ZDHHC15: variants seen among roughly 807,000 people sequenced by gnomAD.
The protein encoded by ZDHHC15 is palmitoyltransferase ZDHHC15.
In ZDHHC15, 19 loss-of-function variants were observed where a neutral mutation model predicts 31.7. That is an observed-to-expected ratio of 0.60 (90% CI 0.42 to 0.88). ZDHHC15 has a LOEUF of 0.88. Among genes scored for constraint, ZDHHC15 ranks in the 40% least tolerant of loss-of-function variants. The pLI is 0.00. For synonymous variants in ZDHHC15, 103 were observed against 90.0 expected (o/e 1.14, Z -0.82); for missense variants, 209 against 251.2 (o/e 0.83, Z 1.14).
intron 2 of ZDHHC15, among the ~76,000 whole-genome samples, chrX:75,494,742 G>A (rs1370845080): frequency 8.9e-6 from 1 of 112,199 alleles, no homozygotes; most frequent in East Asian, 2.8e-4. Flanking sequence ...GTAGAAAGCT[G>A]AAACTGGATC....
intron 10 of ZDHHC15, among the ~76,000 whole-genome samples, chrX:75,388,418 A>G (rs1434556042): frequency 8.9e-6 from 1 of 112,239 alleles, no homozygotes; most frequent in African/African-American, 3.2e-5. Context: ...AGAGATGATT[A>G]AAATCAAAAC....
At chrX:75,425,416 C>T (rs1391824557) in intron 7 of ZDHHC15, among the ~76,000 whole-genome samples, 1 of 111,730 alleles carries the variant, frequency 9.0e-6, no homozygotes, top group Non-Finnish European at 1.9e-5. Flanking sequence ...TTACAGGCAA[C>T]TGTAAAAGTA....
At chrX:75,495,164 A>C (rs767545983) in intron 2 of ZDHHC15, among the ~76,000 whole-genome samples, 95 of 112,528 alleles carry the variant, frequency 8.4e-4, no homozygotes, top group South Asian at 1.5e-3. Context: ...TATGCAGCCA[A>C]AAGACACATG....
intron 2 of ZDHHC15, among the ~76,000 whole-genome samples, chrX:75,479,448 C>A (rs753526083): frequency 5.9e-4 from 66 of 111,660 alleles, no homozygotes; most frequent in African/African-American, 2.1e-3. Context: ...GTTGATTAAC[C>A]AAAGTCACAC....
intron 2 of ZDHHC15, among the ~76,000 whole-genome samples, chrX:75,497,234 G>A (rs2085015451): frequency 1.8e-5 from 2 of 111,384 alleles, no homozygotes; most frequent in Admixed American, 1.9e-4. Context: ...AGAAAACCTA[G>A]AGGAGATGGA....
At chrX:75,422,746 T>A (rs942255613) in intron 8 of ZDHHC15, among the ~76,000 whole-genome samples, 2 of 111,381 alleles carry the variant, frequency 1.8e-5, no homozygotes, top group Non-Finnish European at 3.8e-5. Context: ...TCTACCACCC[T>A]AGCAACTAGG....
chrX:75,454,345 A>C (rs1254229268), intron 3 of ZDHHC15, among the ~76,000 whole-genome samples: 6 of 111,998 alleles, frequency 5.4e-5, no homozygotes, highest in Non-Finnish European at 1.1e-4. Flanking sequence ...GATGGACATT[A>C]GGGTTGGTTC....
At chrX:75,500,530 A>G (rs1277278143) in intron 2 of ZDHHC15, among the ~76,000 whole-genome samples, 2 of 109,736 alleles carry the variant, frequency 1.8e-5, no homozygotes, top group Non-Finnish European at 3.8e-5. Context: ...AAATACAAAT[A>G]AAACTAAATA....
chrX:75,459,362 T>C (rs2084276361), intron 3 of ZDHHC15, among the ~76,000 whole-genome samples: 1 of 111,783 alleles, frequency 8.9e-6, no homozygotes, highest in East Asian at 2.8e-4. Context: ...GGCTTGTAAT[T>C]CTAGCCAGCC....
chrX:75,437,005 C>T (rs2147874726), intron 4 of ZDHHC15, among the ~76,000 whole-genome samples: 1 of 111,529 alleles, frequency 9.0e-6, no homozygotes, highest in South Asian at 3.8e-4. Context: ...CCTCAGCCTC[C>T]CGAGTAGCTG....
At chrX:75,490,241 G>C (rs974281400) in intron 2 of ZDHHC15, among the ~76,000 whole-genome samples, 2 of 110,996 alleles carry the variant, frequency 1.8e-5, no homozygotes, top group Non-Finnish European at 3.8e-5. Context: ...TACAGAGAAC[G>C]CCACAAAGAT....
intron 1 of ZDHHC15, among the ~76,000 whole-genome samples, chrX:75,515,248 C>T (rs1364234116): frequency 2.7e-5 from 3 of 110,866 alleles, no homozygotes; most frequent in African/African-American, 9.8e-5. Flanking sequence ...ATCCTGATAC[C>T]AAAGCCTGGC....
chrX:75,509,880 T>C (rs1163565359), intron 1 of ZDHHC15, among the ~76,000 whole-genome samples: 2 of 112,337 alleles, frequency 1.8e-5, no homozygotes, highest in African/African-American at 6.5e-5. Context: ...AAGTCTGATT[T>C]TAAAAAATGT....
At chrX:75,412,478 C>A (rs1365261346) in intron 10 of ZDHHC15, among the ~76,000 whole-genome samples, 1 of 110,274 alleles carries the variant, frequency 9.1e-6, no homozygotes, top group Non-Finnish European at 1.9e-5. Context: ...GTTGCCCAGG[C>A]TGAAGTGCAG....
At chrX:75,424,507 A>G in intron 8 of ZDHHC15, 145 bp downstream of exon 8, 3 of 591,759 alleles carry the variant, frequency 5.1e-6, no homozygotes, top group South Asian at 1.1e-4. Context: ...TTTCGGTAAA[A>G]TGTATTTTCA....
intron 1 of ZDHHC15, among the ~76,000 whole-genome samples, chrX:75,508,834 C>T (rs1410781823): frequency 5.4e-5 from 6 of 110,875 alleles, no homozygotes; most frequent in Non-Finnish European, 1.1e-4. Flanking sequence ...TTAATTAACG[C>T]CATTCTAACT....
intron 3 of ZDHHC15, among the ~76,000 whole-genome samples, chrX:75,453,126 A>T (rs936491812): frequency 3.6e-5 from 4 of 111,584 alleles, no homozygotes; most frequent in Non-Finnish European, 5.7e-5. Flanking sequence ...AACAAAAGTG[A>T]TAGACTGCTA....
intron 3 of ZDHHC15, among the ~76,000 whole-genome samples, chrX:75,476,248 C>CT (rs1190147939): frequency 1.4e-4 from 15 of 107,757 alleles, no homozygotes; most frequent in African/African-American, 5.2e-4. Context: ...GGAAATGTTT[C>CT]TTATTTTTTT....
At position 75,499,675 on chromosome X, in the gene ZDHHC15, T is replaced by C. The variant is rs1426724808; in HGVS notation, c.163+6146A>G. 2.7e-5 allele frequency among the ~76,000 whole-genome samples: 3 copies of C among 112,145 alleles called. No homozygotes were observed. The East Asian group carries it at 8.4e-4, about 31-fold the overall frequency. ...AAAGGGAACACTTTTACACTGCTAATGGGAAGGTAAACTATTACAACCACT... is the reference window on the plus strand; with the variant it reads ...AAAGGGAACACTTTTACACTGCTAACGGGAAGGTAAACTATTACAACCACT... On this transcript the variant is annotated intron_variant, in intron 2 of 11. Coordinates refer to ENST00000373367, the MANE Select transcript of ZDHHC15 (RefSeq NM_144969.3).
Sources: gnomAD v4.1 joint callset for allele counts (sites outside exome capture counted in the v4.1 genomes callset) on GRCh38, gnomAD v4.1.1 for gene constraint, MANE v1.5 for transcripts, NCBI Gene and HGNC (gene_info 2026-07-23, HGNC 2026-07-21) for gene names.